CCDC149: variants seen among roughly 807,000 people sequenced by gnomAD.
The protein encoded by CCDC149 is coiled-coil domain-containing protein 149.
A neutral mutation model predicts 59.9 loss-of-function variants in CCDC149; 45 were observed. That is an observed-to-expected ratio of 0.75 (90% CI 0.59 to 0.96). CCDC149 has a LOEUF of 0.96. Among genes scored for constraint, CCDC149 ranks in the 40% least tolerant of loss-of-function variants. The pLI is 0.00. For missense variants in CCDC149, 584 were observed against 664.7 expected, an observed-to-expected ratio of 0.88 and a Z score of 1.33; for synonymous variants, 245 against 260.6, an observed-to-expected ratio of 0.94 and a Z score of 0.58.
At position 24,822,578 on chromosome 4, in the gene CCDC149, A is replaced by G; in HGVS notation, c.966-5T>C. 1 of 1,529,590 alleles carries G rather than the reference A, an allele frequency of 6.5e-7. No homozygotes were observed. Among genetic ancestry groups the G allele is most frequent in the Non-Finnish European group, 8.8e-7 (1 of 1,137,944 alleles). The allele number at this position is 1,529,590 out of a possible 1,614,324, so 94.8% of individuals were successfully genotyped here. A position where few individuals can be genotyped will look rare whatever the true frequency, so the allele number is the denominator to read the frequency against. On this transcript the variant is annotated splice_polypyrimidine_tract_variant and splice_region_variant and intron_variant, in intron 9 of 12. Coordinates refer to ENST00000635206, the MANE Select transcript of CCDC149 (RefSeq NM_001330643.2). ...GCCACCCGATTCCCTAGGATTCTGAAAAAAGGGGAGAAAATGACAATCAAT... is the reference window on the plus strand; with the variant it reads ...GCCACCCGATTCCCTAGGATTCTGAGAAAAGGGGAGAAAATGACAATCAAT...
intron 1 of CCDC149, among the ~76,000 whole-genome samples, chr4:24,941,572 C>T (rs1700303781): frequency 6.6e-6 from 1 of 152,082 alleles, no homozygotes; most frequent in African/African-American, 2.4e-5. Flanking sequence ...GAAATCGAGA[C>T]ACAAAAAACC....
intron 12 of CCDC149, among the ~76,000 whole-genome samples, chr4:24,818,231 G>A (rs1249894390): frequency 4.6e-5 from 7 of 152,160 alleles, no homozygotes; most frequent in African/African-American, 1.7e-4. Context: ...TTTTGAGCCT[G>A]AGAAGCTGAG....
At chr4:24,957,296 C>T (rs1418026836) in intron 1 of CCDC149, among the ~76,000 whole-genome samples, 1 of 152,190 alleles carries the variant, frequency 6.6e-6, no homozygotes, top group Non-Finnish European at 1.5e-5. Flanking sequence ...GTCATCTCCC[C>T]AAACCAGTAG....
chr4:24,949,441 A>AG lies in CCDC149; in HGVS notation c.-65+30627dup, dbSNP rs1258024313. Among the ~76,000 whole-genome samples, 7 of 30,030 alleles carry AG rather than the reference A, an allele frequency of 2.3e-4. No homozygotes were observed. In the East Asian group the frequency reaches 3.9e-3, roughly 17 times the overall value. 19.7% of individuals were successfully genotyped at this position (30,030 alleles called of 152,430 possible). ...CTGTAGAGAGGTAGTGGTGGCAGGG[A>AG]GGGGGGGTGGTGGGGGGACTCCCTC... On this transcript the variant is annotated intron_variant, in intron 1 of 12. Coordinates refer to the CCDC149 transcript ENST00000389609.
At chr4:24,962,951 T>C (rs1723681717) in intron 1 of CCDC149, among the ~76,000 whole-genome samples, 1 of 150,508 alleles carries the variant, frequency 6.6e-6, no homozygotes, top group Admixed American at 6.6e-5. Flanking sequence ...ATTTATGAAT[T>C]TATCAGTTGT....
intron 1 of CCDC149, among the ~76,000 whole-genome samples, chr4:24,932,788 G>A (rs1428208325): frequency 6.6e-6 from 1 of 152,144 alleles, no homozygotes; most frequent in African/African-American, 2.4e-5. Flanking sequence ...ATTAGTCAGA[G>A]GGAAGTGTCA....
intron 11 of CCDC149, chr4:24,820,181 A>C: frequency 8.1e-6 from 4 of 492,812 alleles, no homozygotes; most frequent in Admixed American, 3.6e-5. Context: ...CACACACAAA[A>C]TCCTTATCAC....
At chr4:24,978,824 C>T (rs778417287) in intron 1 of CCDC149, among the ~76,000 whole-genome samples, 6 of 152,214 alleles carry the variant, frequency 3.9e-5, no homozygotes, top group Admixed American at 6.5e-5. Flanking sequence ...TGGTAAAATG[C>T]CCCATATCCA....
intron 1 of CCDC149, among the ~76,000 whole-genome samples, chr4:24,939,438 A>T (rs1577495650): frequency 6.6e-6 from 1 of 152,184 alleles, no homozygotes; most frequent in East Asian, 1.9e-4. Context: ...AACCACAAAG[A>T]TGCGGAAAAA....
At chr4:24,833,151 A>G (rs919329607) in intron 8 of CCDC149, among the ~76,000 whole-genome samples, 1 of 152,166 alleles carries the variant, frequency 6.6e-6, no homozygotes, top group Admixed American at 6.5e-5. Flanking sequence ...AAAGGACAAC[A>G]ACCACTGATA....
chr4:24,948,383 A>G (rs930010690), intron 1 of CCDC149, among the ~76,000 whole-genome samples: 1 of 152,162 alleles, frequency 6.6e-6, no homozygotes, highest in Non-Finnish European at 1.5e-5. Context: ...TTGTCTTTTT[A>G]ATAGTAGGAG....
intron 1 of CCDC149, among the ~76,000 whole-genome samples, chr4:24,906,301 C>T (rs1309517619): frequency 6.6e-6 from 1 of 151,956 alleles, no homozygotes; most frequent in Non-Finnish European, 1.5e-5. Context: ...TTTCCCATAG[C>T]CCCAGGGTGA....
intron 1 of CCDC149, among the ~76,000 whole-genome samples, chr4:24,910,410 G>GCTACTGGGGTTAGGT (rs1377150245): frequency 2.6e-5 from 4 of 152,144 alleles, no homozygotes; most frequent in African/African-American, 9.7e-5. Flanking sequence ...CACATTTGCA[G>GCTACTGGGGTTAGGT]CTACTGGGGT....
At chr4:24,917,220 C>T (rs190041715), upstream of CCDC149, among the ~76,000 whole-genome samples, 301 of 152,348 alleles carry the variant, frequency 2.0e-3, no homozygotes, top group Middle Eastern at 3.4e-3. Context: ...CCTCTCACGG[C>T]CACCCCTGCC....
chr4:24,913,567 G>A (rs1722024417), upstream of CCDC149, among the ~76,000 whole-genome samples: 2 of 152,152 alleles, frequency 1.3e-5, no homozygotes, highest in Non-Finnish European at 2.9e-5. Flanking sequence ...TGTAAAAATT[G>A]AAAATAAAGC....
chr4:24,892,602 G>A lies in CCDC149; in HGVS notation c.64-15905C>T, dbSNP rs117062674. On this transcript the variant is annotated intron_variant, in intron 1 of 12. Coordinates refer to ENST00000635206, the MANE Select transcript of CCDC149 (RefSeq NM_001330643.2). Reference sequence around the variant, plus strand: ...AGCCAAAACACTGATGGCAGGCACTGTTCTGGGCAGTTTTTCACATTAGCT... The same window carrying A: ...AGCCAAAACACTGATGGCAGGCACTATTCTGGGCAGTTTTTCACATTAGCT... 5.0e-4 allele frequency among the ~76,000 whole-genome samples: 76 copies of A among 152,294 alleles called. 2 individuals carry two copies. In the East Asian group the frequency reaches 0.014, roughly 28 times the overall value.
chr4:24,895,048 C>T (rs1427089523), intron 1 of CCDC149: 76 of 1,527,362 alleles, frequency 5.0e-5, no homozygotes, highest in Middle Eastern at 1.7e-4. Context: ...ACGACGATGA[C>T]GACCATGATG....
At chr4:24,906,787 T>C (rs1721562801) in intron 1 of CCDC149, among the ~76,000 whole-genome samples, 1 of 152,142 alleles carries the variant, frequency 6.6e-6, no homozygotes, top group Non-Finnish European at 1.5e-5. Flanking sequence ...TTCATCAATT[T>C]GTTCTTCATT....
At chr4:24,811,344 G>A (rs1714588166) in intron 12 of CCDC149, among the ~76,000 whole-genome samples, 1 of 151,966 alleles carries the variant, frequency 6.6e-6, no homozygotes, top group African/African-American at 2.4e-5. Context: ...CGATCCTTCA[G>A]TCTATCCTGC....
Sources: allele counts gnomAD v4.1 joint callset (sites outside exome capture counted in the v4.1 genomes callset), GRCh38; gene constraint gnomAD v4.1.1; transcripts MANE v1.5; gene names NCBI Gene and HGNC (gene_info 2026-07-23, HGNC 2026-07-21).